Variants in RPAP2 observed in about 807,000 individuals in gnomAD.
The protein encoded by RPAP2 is RNA polymerase II associated protein 2.
A neutral mutation model predicts 73.1 loss-of-function variants in RPAP2; 52 were observed. The ratio of observed to expected loss-of-function variants is 0.71; its 90% CI spans 0.57 to 0.90. RPAP2 has a LOEUF of 0.90. Ranked by LOEUF, RPAP2 falls within the 40% of genes least tolerant of loss-of-function variation. The pLI is 0.00. For synonymous variants in RPAP2, 225 were observed against 242.1 expected (o/e 0.93, Z 0.65); for missense variants, 598 against 701.8 (o/e 0.85, Z 1.67).
chr1:92,333,502 G>A (rs1285524186), intron 9 of RPAP2, 29 bp downstream of exon 9: 4 of 1,479,464 alleles, frequency 2.7e-6, no homozygotes, highest in Non-Finnish European at 3.8e-6. Flanking sequence ...TTCCAGCTTT[G>A]TAGTAGTTTT....
At chr1:92,356,196 T>G (rs2101363563) in intron 11 of RPAP2, among the ~76,000 whole-genome samples, 1 of 152,252 alleles carries the variant, frequency 6.6e-6, no homozygotes, top group African/African-American at 2.4e-5. Flanking sequence ...CAGGCTGGTC[T>G]CAACTCCTGG....
chr1:92,308,323 G>T (rs1332876898), intron 6 of RPAP2, among the ~76,000 whole-genome samples: 4 of 152,102 alleles, frequency 2.6e-5, no homozygotes, highest in Non-Finnish European at 4.4e-5. Context: ...CAGCTTCCTT[G>T]TTGGGAAAAT....
chr1:92,324,154 A>G lies in RPAP2; in HGVS notation c.1234A>G (p.Ile412Val), dbSNP rs780849076. 2 of 1,614,168 alleles carry G rather than the reference A, an allele frequency of 1.2e-6. No individual in the cohort carries two copies. The highest frequency in any genetic ancestry group is 1.7e-6 in the Non-Finnish European group (2 of 1,180,004). ...LVKEELDEDDIISDPDSHFPA... is the reference protein window; with the variant it reads ...LVKEELDEDDVISDPDSHFPA... ...TAAAGAAGAACTTGATGAAGATGAC[A>G]TAATCTCAGATCCAGATAGTCATTT... Residue 412 changes from isoleucine to valine, a missense_variant, in exon 8 of 13, where the codon ATA (isoleucine) becomes GTA (valine). Around this residue, in one of 3 missense-constraint regions of RPAP2, gnomAD observed 506 missense variants for 612.8 expected, o/e 0.83. Transcript: ENST00000610020.
chr1:92,338,083 T>C (rs1216897062), intron 10 of RPAP2, among the ~76,000 whole-genome samples: 2 of 152,206 alleles, frequency 1.3e-5, no homozygotes, highest in Non-Finnish European at 2.9e-5. Context: ...TTCACAGGCA[T>C]CATTAATTAT....
At chr1:92,302,483 A>G (rs1355669630) in intron 3 of RPAP2, among the ~76,000 whole-genome samples, 5 of 151,864 alleles carry the variant, frequency 3.3e-5, no homozygotes, top group African/African-American at 1.2e-4. Flanking sequence ...GTAACAGAAG[A>G]ATATTATTTT....
At chr1:92,373,280 G>A (rs1479954473) in intron 11 of RPAP2, among the ~76,000 whole-genome samples, 1 of 152,158 alleles carries the variant, frequency 6.6e-6, no homozygotes, top group Admixed American at 6.5e-5. Context: ...ATATCCCCAA[G>A]CAAGCCTCTA....
chr1:92,345,746 G>T, intron 10 of RPAP2, 100 bp from the exon 11 acceptor site: 1 of 689,112 alleles, frequency 1.5e-6, no homozygotes. Context: ...AAAAAAAAGT[G>T]CTTCTTTGGC....
rs746059274 is a variant in RPAP2 at position 92,349,757 on chromosome 1, G to A, written c.1688+3843G>A. The stretch of plus-strand genomic sequence containing the variant: ...AGCCTGAGCAACATAGTGAGACCCC[G>A]TCTCTACAAAAAATAAAAACATTAG... On this transcript the variant is annotated intron_variant, in intron 11 of 12. Coordinates refer to ENST00000610020, the MANE Select transcript of RPAP2 (RefSeq NM_024813.3). 1.6e-4 allele frequency among the ~76,000 whole-genome samples: 25 copies of A among 151,914 alleles called. 1 individual carries two copies. The highest frequency in any genetic ancestry group is 1.4e-3 in the Admixed American group (22 of 15,224).
chr1:92,320,565 C>T lies in RPAP2; in HGVS notation c.489-34C>T, dbSNP rs376310851. ...GGTTACAGGCATGAGCCACCGCACC[C>T]GGCCTAATTTTTATTTCTGTGTTCT... On this transcript the variant is annotated intron_variant, in intron 6 of 12. Coordinates refer to ENST00000610020, the MANE Select transcript of RPAP2 (RefSeq NM_024813.3). 2.8e-5 allele frequency: 45 copies of T among 1,602,548 alleles called. No individual in the cohort carries two copies. In the African/African-American group the frequency reaches 4.0e-4, roughly 14 times the overall value.
chr1:92,303,997 T>C lies in RPAP2; in HGVS notation c.255T>C (p.Ala85=). Residue 85 remains alanine (A), a synonymous_variant, in exon 4 of 13, where the codon GCT becomes GCC. Coordinates refer to ENST00000610020, the MANE Select transcript of RPAP2 (RefSeq NM_024813.3). ...LMECGRFITP[A]HYSDVVDERS... is the part of the protein sequence containing the mutation. Reference sequence around the variant, plus strand: ...TTTAGGGGAGGTTCATTACACCTGCTCACTACAGTGATGTCGTGGATGAAC... The same window carrying C: ...TTTAGGGGAGGTTCATTACACCTGCCCACTACAGTGATGTCGTGGATGAAC... 6.2e-7 allele frequency: 1 copy of C among 1,610,968 alleles called. No homozygotes were observed.
intron 5 of RPAP2, among the ~76,000 whole-genome samples, chr1:92,306,641 A>G (rs1236721165): frequency 6.6e-6 from 1 of 151,960 alleles, no homozygotes; most frequent in Non-Finnish European, 1.5e-5. Flanking sequence ...GAGAGAAGAT[A>G]GAGACCAGCC....
In RPAP2 at chr1:92,400,310, G is replaced by C. The variant is rs1176545139; in HGVS notation, c.*13299G>C. On this transcript the variant is annotated 3_prime_UTR_variant, in exon 13 of 13. Coordinates refer to ENST00000610020, the MANE Select transcript of RPAP2 (RefSeq NM_024813.3). ...GGAGGGGATCCTGGTTGGAGTCAGA[G>C]TATACCTTGGTTTGGTTTTGTGGGG... 3 of 152,650 alleles carry C rather than the reference G, an allele frequency of 2.0e-5. No homozygotes were observed. The highest frequency in any genetic ancestry group is 4.4e-5 in the Non-Finnish European group (3 of 68,510). 9.5% of individuals were successfully genotyped at this position (152,650 alleles called of 1,614,324 possible).
At chr1:92,304,192 AATGAT>A in intron 4 of RPAP2, 87 bp from the exon 5 acceptor site, 1 of 1,117,440 alleles carries the variant, frequency 8.9e-7, no homozygotes, top group African/African-American at 1.6e-5. Context: ...TGGATTGGCC[AATGAT>A]ATGATATGTA....
chr1:92,393,591 A>C lies in RPAP2; in HGVS notation c.*6580A>C, dbSNP rs1656109178. The C allele has an allele frequency of 6.6e-6, 1 of 152,236 alleles. No individual in the cohort carries two copies. The highest frequency in any genetic ancestry group is 1.5e-5 in the Non-Finnish European group (1 of 68,032). 9.4% of individuals were successfully genotyped at this position (152,236 alleles called of 1,614,324 possible). The stretch of plus-strand genomic sequence containing the variant: ...CAATATATCCATCTGACAAAGGGCT[A>C]ATATCCAGAATCTACAAAGAACTTA... On this transcript the variant is annotated 3_prime_UTR_variant, in exon 13 of 13. Transcript: ENST00000610020.
At chr1:92,342,989 C>T (rs1653682016) in intron 10 of RPAP2, among the ~76,000 whole-genome samples, 1 of 152,110 alleles carries the variant, frequency 6.6e-6, no homozygotes, top group Admixed American at 6.5e-5. Context: ...GGAGGAGGTC[C>T]AGACTAGAGC....
At chr1:92,364,399 C>T (rs1654850117) in intron 11 of RPAP2, among the ~76,000 whole-genome samples, 1 of 152,036 alleles carries the variant, frequency 6.6e-6, no homozygotes, top group Admixed American at 6.6e-5. Context: ...GTAGAGTTAC[C>T]TAGAAAGAAA....
chr1:92,345,837 ATCTT>A lies in RPAP2; in HGVS notation c.1620-6_1620-3del. On this transcript the variant is annotated splice_region_variant and splice_polypyrimidine_tract_variant and intron_variant, in intron 10 of 12. Transcript: ENST00000610020. ...AACACTCCTTGGATAAATTTTATCT[ATCTT>A]TCAGGTTAACAAATAGAAATATTAT... The A allele has an allele frequency of 2.0e-6, 3 of 1,518,640 alleles. No homozygotes were observed. The highest frequency in any genetic ancestry group is 2.7e-6 in the Non-Finnish European group (3 of 1,096,948). The allele number at this position is 1,518,640 out of a possible 1,614,324, so 94.1% of individuals were successfully genotyped here. A position where few individuals can be genotyped will look rare whatever the true frequency, so the allele number is the denominator to read the frequency against.
intron 12 of RPAP2, among the ~76,000 whole-genome samples, chr1:92,385,770 T>C (rs997612392): frequency 5.9e-5 from 9 of 152,254 alleles, no homozygotes; most frequent in Non-Finnish European, 1.0e-4. Context: ...AAAAAGATGT[T>C]TGTGGTTTAA....
At chr1:92,348,442 T>C (rs1654027323) in intron 11 of RPAP2, among the ~76,000 whole-genome samples, 1 of 152,196 alleles carries the variant, frequency 6.6e-6, no homozygotes, top group African/African-American at 2.4e-5. Flanking sequence ...GAAATCTTGT[T>C]TTCTGATAAT....
Sources: allele counts gnomAD v4.1 joint callset (sites outside exome capture counted in the v4.1 genomes callset), GRCh38; gene constraint gnomAD v4.1.1; regional missense constraint gnomAD v4.1.1; transcripts MANE v1.5; gene names NCBI Gene and HGNC (gene_info 2026-07-23, HGNC 2026-07-21).